The following ACER3 variants were observed in gnomAD, a reference collection of about 807,000 sequenced individuals.
The protein encoded by ACER3 is alkCDase 3.
Under a neutral mutation model 48.9 loss-of-function variants are expected in ACER3, and 16 were observed. The observed-to-expected ratio is 0.33, with a 90% CI of 0.22 to 0.50. The LOEUF (loss-of-function observed/expected upper bound fraction) is 0.50, where lower values mean the gene tolerates loss of function less well. Among genes scored for constraint, ACER3 ranks in the 20% least tolerant of loss-of-function variants. The pLI, the probability that ACER3 is intolerant of heterozygous loss-of-function variation, is 0.98. For synonymous variants in ACER3, 109 were observed against 107.8 expected (o/e 1.01, Z -0.07); for missense variants, 227 against 326.0 (o/e 0.70, Z 2.34).
At chr11:76,903,333 T>G (rs1041943191) in intron 1 of ACER3, among the ~76,000 whole-genome samples, 1 of 152,122 alleles carries the variant, frequency 6.6e-6, no homozygotes, top group Non-Finnish European at 1.5e-5. Flanking sequence ...CTTTATCAAC[T>G]ATACCAAGCC....
intron 4 of ACER3, among the ~76,000 whole-genome samples, chr11:76,981,211 T>C (rs530493789): frequency 1.3e-5 from 2 of 152,356 alleles, no homozygotes; most frequent in African/African-American, 4.8e-5. Flanking sequence ...TGCAAAGCTT[T>C]TGTTTCTCAA....
rs1944921828 is a variant in ACER3, at chr11:76,860,996, G to A, written c.20G>A (p.Arg7Gln). 6.5e-7 allele frequency: 1 copy of A among 1,542,114 alleles called. No individual in the cohort carries two copies. The highest frequency in any genetic ancestry group is 2.5e-5 in the East Asian group (1 of 40,346). The part of the protein sequence containing the change: MAPAAD[R>Q]EGYWGPTTST... The stretch of plus-strand genomic sequence containing the variant: ...GGCGTGATGGCTCCGGCCGCGGACC[G>A]AGAGGGCTACTGGGGCCCCACGACC... The change falls in exon 1 of 11, where the codon CGA becomes CAA. Residue 7 changes from arginine (R) to glutamine (Q), a missense_variant. By Grantham distance (43) the Arg-to-Gln change is conservative (BLOSUM62 1). Around this residue, in one of 3 missense-constraint regions of ACER3, gnomAD observed 27 missense variants for 18.1 expected, o/e 1.49. Coordinates refer to ENST00000532485, the MANE Select transcript of ACER3 (RefSeq NM_018367.7).
chr11:76,872,457 C>G (rs1293617092), intron 1 of ACER3, among the ~76,000 whole-genome samples: 1 of 152,064 alleles, frequency 6.6e-6, no homozygotes, highest in Non-Finnish European at 1.5e-5. Context: ...TTTTTAGACC[C>G]CAGTGAGTCC....
chr11:76,999,297 A>T (rs533843120), intron 7 of ACER3, among the ~76,000 whole-genome samples: 1 of 152,212 alleles, frequency 6.6e-6, no homozygotes, highest in Non-Finnish European at 1.5e-5. Flanking sequence ...TTAAATAAGA[A>T]ATAACATTCA....
intron 5 of ACER3, 120 bp downstream of exon 5, chr11:76,985,844 A>G: frequency 1.9e-6 from 1 of 531,138 alleles, no homozygotes; most frequent in Non-Finnish European, 3.2e-6. Flanking sequence ...TACACAAAAC[A>G]AGAATATCAC....
intron 7 of ACER3, among the ~76,000 whole-genome samples, chr11:77,001,679 G>A (rs1326242658): frequency 6.6e-6 from 1 of 152,168 alleles, no homozygotes; most frequent in Non-Finnish European, 1.5e-5. Context: ...ACTATGTTGA[G>A]TAAGAGCAGT....
At chr11:76,947,475 G>A (rs201421667) in intron 2 of ACER3, among the ~76,000 whole-genome samples, 33 of 152,244 alleles carry the variant, frequency 2.2e-4, no homozygotes, top group East Asian at 9.7e-4. Flanking sequence ...AATATTTTAC[G>A]TCTTATCAAG....
intron 1 of ACER3, among the ~76,000 whole-genome samples, chr11:76,889,363 A>G (rs1945751445): frequency 6.6e-6 from 1 of 151,966 alleles, no homozygotes; most frequent in African/African-American, 2.4e-5. Context: ...TTAAATTTTT[A>G]CAACTCATCT....
intron 1 of ACER3, among the ~76,000 whole-genome samples, chr11:76,889,103 G>T (rs977249024): frequency 1.3e-5 from 2 of 152,118 alleles, no homozygotes; most frequent in African/African-American, 4.8e-5. Context: ...CTATATAGAT[G>T]ATCTCAGATC....
chr11:76,991,523 G>A (rs1221169289), intron 6 of ACER3, among the ~76,000 whole-genome samples: 2 of 152,010 alleles, frequency 1.3e-5, no homozygotes, highest in Non-Finnish European at 2.9e-5. Context: ...GTACAGAAAA[G>A]ACATCCTCAC....
At chr11:76,941,012 AACAC>A (rs370121849) in intron 2 of ACER3, among the ~76,000 whole-genome samples, 85 of 146,300 alleles carry the variant, frequency 5.8e-4, no homozygotes, top group African/African-American at 1.9e-3. Context: ...TGTGTGTATA[AACAC>A]ACACACACAC....
chr11:76,890,278 GTTCATT>G (rs1187047617), intron 1 of ACER3, among the ~76,000 whole-genome samples: 12 of 152,018 alleles, frequency 7.9e-5, no homozygotes, highest in Non-Finnish European at 1.6e-4. Flanking sequence ...TTATATATAT[GTTCATT>G]TTCTCTACTG....
chr11:76,869,716 C>T (rs1945193080), intron 1 of ACER3, among the ~76,000 whole-genome samples: 1 of 152,120 alleles, frequency 6.6e-6, no homozygotes, highest in Non-Finnish European at 1.5e-5. Flanking sequence ...ACTCTAAGTA[C>T]CTCATATAAG....
chr11:76,889,532 G>A (rs958351243), intron 1 of ACER3, among the ~76,000 whole-genome samples: 3 of 152,184 alleles, frequency 2.0e-5, no homozygotes, highest in African/African-American at 4.8e-5. Context: ...CAGATGATCA[G>A]TATTAGCACA....
At chr11:76,899,204 G>C (rs1565165697) in intron 1 of ACER3, among the ~76,000 whole-genome samples, 1 of 152,026 alleles carries the variant, frequency 6.6e-6, no homozygotes, top group Non-Finnish European at 1.5e-5. Flanking sequence ...CATATCTATT[G>C]GTACCTGGTA....
intron 8 of ACER3, among the ~76,000 whole-genome samples, chr11:77,016,113 A>AG (rs1949364551): frequency 6.6e-6 from 1 of 151,618 alleles, no homozygotes; most frequent in African/African-American, 2.4e-5. Context: ...TCTCAGGGAA[A>AG]AAAAAAAAAA....
At chr11:76,920,949 T>G (rs1309071505) in intron 1 of ACER3, among the ~76,000 whole-genome samples, 4 of 152,222 alleles carry the variant, frequency 2.6e-5, no homozygotes, top group Admixed American at 6.5e-5. Context: ...TGAAACCATT[T>G]TTTTACCCAA....
intron 2 of ACER3, among the ~76,000 whole-genome samples, chr11:76,945,953 T>G (rs1947460974): frequency 6.6e-6 from 1 of 152,162 alleles, no homozygotes; most frequent in African/African-American, 2.4e-5. Context: ...TGTGCCTCCC[T>G]CGGCTGGTTG....
chr11:76,999,599 C>A (rs1224962938), intron 7 of ACER3, among the ~76,000 whole-genome samples: 7 of 152,080 alleles, frequency 4.6e-5, no homozygotes, highest in African/African-American at 1.7e-4. Context: ...CCTTTTATAA[C>A]CAGACCTACT....
Sources: allele counts gnomAD v4.1 joint callset (sites outside exome capture counted in the v4.1 genomes callset), GRCh38; gene constraint gnomAD v4.1.1; regional missense constraint gnomAD v4.1.1; transcripts MANE v1.5; gene names NCBI Gene and HGNC (gene_info 2026-07-23, HGNC 2026-07-21).